Variants in ANKS1B observed in about 807,000 individuals in gnomAD.
ANKS1B encodes the protein ankyrin repeat and sterile alpha motif domain containing 1B.
ANKS1B carries 36 observed loss-of-function variants against 148.3 expected under a neutral mutation model. The ratio of observed to expected loss-of-function variants is 0.24; its 90% CI spans 0.19 to 0.32. The LOEUF (loss-of-function observed/expected upper bound fraction) is 0.32, where lower values mean the gene tolerates loss of function less well. Among genes scored for constraint, ANKS1B ranks in the 10% least tolerant of loss-of-function variants. The probability of loss-of-function intolerance (pLI) is 1.00; values close to 1 mark genes in which losing one functional copy is unlikely to be tolerated. For missense variants in ANKS1B, 1,157 were observed against 1,542.6 expected (o/e 0.75, Z 4.19); for synonymous variants, 542 against 560.8 (o/e 0.97, Z 0.47).
At chr12:99,895,660 T>C (rs2093354933) in intron 1 of ANKS1B, among the ~76,000 whole-genome samples, 1 of 141,656 alleles carries the variant, frequency 7.1e-6, no homozygotes, top group African/African-American at 2.5e-5. Flanking sequence ...GCCCACAGAG[T>C]ACCAACCACA....
At chr12:99,061,671 A>G (rs1436989752) in intron 16 of ANKS1B, among the ~76,000 whole-genome samples, 1 of 152,244 alleles carries the variant, frequency 6.6e-6, no homozygotes, top group African/African-American at 2.4e-5. Context: ...CCACTATATT[A>G]TGAATGTCTC....
At chr12:99,871,458 G>A (rs1314068511) in intron 1 of ANKS1B, among the ~76,000 whole-genome samples, 7 of 152,132 alleles carry the variant, frequency 4.6e-5, no homozygotes, top group Admixed American at 3.9e-4. Context: ...AATGACGTTG[G>A]TAGTTTGATA....
intron 1 of ANKS1B, among the ~76,000 whole-genome samples, chr12:99,956,571 C>T (rs2095327506): frequency 6.6e-6 from 1 of 152,120 alleles, no homozygotes; most frequent in African/African-American, 2.4e-5. Context: ...CTCAGTTTTG[C>T]AGATAATGAA....
intron 12 of ANKS1B, among the ~76,000 whole-genome samples, chr12:99,374,107 T>C (rs2093279200): frequency 6.6e-6 from 1 of 152,210 alleles, no homozygotes; most frequent in African/African-American, 2.4e-5. Context: ...AATGTGCTGA[T>C]TGAGACTTTT....
chr12:98,768,888 G>T (rs1044172744), intron 25 of ANKS1B, among the ~76,000 whole-genome samples: 4 of 151,608 alleles, frequency 2.6e-5, no homozygotes, highest in Non-Finnish European at 5.9e-5. Flanking sequence ...CTGTAGGGGG[G>T]GCTCCAGGCC....
At chr12:98,808,938 A>G (rs753082804) in intron 19 of ANKS1B, among the ~76,000 whole-genome samples, 1 of 152,210 alleles carries the variant, frequency 6.6e-6, no homozygotes, top group African/African-American at 2.4e-5. Flanking sequence ...TATGGTTAAG[A>G]GGCCCGGCAA....
chr12:99,151,242 TG>T (rs2074798915), intron 15 of ANKS1B, among the ~76,000 whole-genome samples: 1 of 151,954 alleles, frequency 6.6e-6, no homozygotes, highest in African/African-American at 2.4e-5. Context: ...TAAAAACAAT[TG>T]GGGGCCAGGT....
At chr12:99,953,448 AAGT>A (rs1473791782) in intron 1 of ANKS1B, among the ~76,000 whole-genome samples, 1 of 152,218 alleles carries the variant, frequency 6.6e-6, no homozygotes, top group Non-Finnish European at 1.5e-5. Context: ...GTAGATAGTA[AAGT>A]AGATAATGTA....
At chr12:99,466,362 C>T (rs1021063271) in intron 10 of ANKS1B, among the ~76,000 whole-genome samples, 5 of 152,078 alleles carry the variant, frequency 3.3e-5, no homozygotes, top group Admixed American at 3.3e-4. Flanking sequence ...GACACCCTAA[C>T]ATCACAATTA....
intron 9 of ANKS1B, among the ~76,000 whole-genome samples, chr12:99,608,389 T>C (rs1042619185): frequency 1.3e-5 from 2 of 152,112 alleles, no homozygotes; most frequent in African/African-American, 2.4e-5. Flanking sequence ...GCTTCTCTTA[T>C]GTGAGGGCAC....
chr12:99,763,705 A>G (rs878940773), intron 8 of ANKS1B, among the ~76,000 whole-genome samples: 1 of 152,182 alleles, frequency 6.6e-6, no homozygotes, highest in Non-Finnish European at 1.5e-5. Context: ...AATAATACAG[A>G]AAGAATAACA....
At chr12:98,944,225 G>A (rs1350623524) in intron 17 of ANKS1B, among the ~76,000 whole-genome samples, 1 of 150,946 alleles carries the variant, frequency 6.6e-6, no homozygotes, top group Non-Finnish European at 1.5e-5. Context: ...GCTTGAACCC[G>A]GGAGGCAGAG....
rs1389693196 is a variant in ANKS1B, at chr12:99,319,011, T to C, written c.1757-72147A>G. Among the ~76,000 whole-genome samples the C allele has an allele frequency of 5.3e-5, 8 of 152,330 alleles. No individual in the cohort carries two copies. The East Asian group carries it at 1.5e-3, about 29-fold the overall frequency. ...TGAGTTTCTTAATCTTGAGTTCTAG[T>C]TTGATTGCACTGTGGTCTGAGAGAT... On this transcript the variant is annotated intron_variant, in intron 12 of 26. Transcript: ENST00000683438.
intron 1 of ANKS1B, among the ~76,000 whole-genome samples, chr12:99,921,643 G>A (rs1043148941): frequency 2.6e-5 from 4 of 152,092 alleles, no homozygotes; most frequent in Admixed American, 6.6e-5. Flanking sequence ...TAATCTGATA[G>A]TAGAAAAATC....
chr12:99,460,696 G>GATAC (rs2095942569), intron 10 of ANKS1B, among the ~76,000 whole-genome samples: 1 of 150,672 alleles, frequency 6.6e-6, no homozygotes, highest in African/African-American at 2.4e-5. Context: ...ACCAAAATGA[G>GATAC]ATACCACCTT....
intron 17 of ANKS1B, among the ~76,000 whole-genome samples, chr12:98,885,091 G>A (rs551632594): frequency 6.6e-6 from 1 of 152,038 alleles, no homozygotes; most frequent in African/African-American, 2.4e-5. Flanking sequence ...TAATTCATTA[G>A]CAAGATCTCT....
intron 10 of ANKS1B, among the ~76,000 whole-genome samples, chr12:99,466,447 A>G (rs1244655546): frequency 6.6e-6 from 1 of 152,002 alleles, no homozygotes; most frequent in Non-Finnish European, 1.5e-5. Flanking sequence ...TCAGAGCAGA[A>G]CTGAAGGAAA....
At chr12:98,999,671 C>T (rs1352627209) in intron 17 of ANKS1B, among the ~76,000 whole-genome samples, 1 of 152,128 alleles carries the variant, frequency 6.6e-6, no homozygotes, top group Non-Finnish European at 1.5e-5. Flanking sequence ...CTATTCTAAC[C>T]TAAGAGCTGG....
intron 4 of ANKS1B, among the ~76,000 whole-genome samples, chr12:99,801,639 G>A (rs943070241): frequency 5.0e-4 from 76 of 152,170 alleles, no homozygotes; most frequent in African/African-American, 1.8e-3. Context: ...GAAAGGGGAT[G>A]GTAAGGAGAA....
Sources: gnomAD v4.1 joint callset for allele counts (sites outside exome capture counted in the v4.1 genomes callset) on GRCh38, gnomAD v4.1.1 for gene constraint, MANE v1.5 for transcripts, NCBI Gene and HGNC (gene_info 2026-07-23, HGNC 2026-07-21) for gene names.